Variants in RANBP9 observed in about 807,000 individuals in gnomAD.
The protein encoded by RANBP9 is ran-binding protein 9.
In RANBP9, 15 loss-of-function variants were observed where a neutral mutation model predicts 84.3. The ratio of observed to expected loss-of-function variants is 0.18; its 90% CI spans 0.12 to 0.27. The LOEUF (loss-of-function observed/expected upper bound fraction) is 0.27. Among genes scored for constraint, RANBP9 ranks in the 10% least tolerant of loss-of-function variants. RANBP9 has a pLI of 1.00. For missense variants in RANBP9, 809 were observed against 912.8 expected, an observed-to-expected ratio of 0.89 and a Z score of 1.46; for synonymous variants, 392 against 349.6, an observed-to-expected ratio of 1.12 and a Z score of -1.35.
At chr6:13,684,902 C>T (rs774886939) in intron 2 of RANBP9, among the ~76,000 whole-genome samples, 2 of 152,162 alleles carry the variant, frequency 1.3e-5, no homozygotes, top group Admixed American at 6.5e-5. Flanking sequence ...AAATAAATTC[C>T]GCACAGCATC....
chr6:13,693,047 A>G (rs1766364128), intron 2 of RANBP9, among the ~76,000 whole-genome samples: 2 of 152,226 alleles, frequency 1.3e-5, no homozygotes, highest in Admixed American at 1.3e-4. Flanking sequence ...AACAATACAA[A>G]TATCATAATT....
At chr6:13,706,626 G>A (rs1274385593) in intron 1 of RANBP9, among the ~76,000 whole-genome samples, 3 of 150,740 alleles carry the variant, frequency 2.0e-5, no homozygotes, top group African/African-American at 7.3e-5. Context: ...CCGGGAGGCG[G>A]AGGTTGCAGT....
chr6:13,709,664 T>C (rs1046414245), intron 1 of RANBP9, among the ~76,000 whole-genome samples: 1 of 152,240 alleles, frequency 6.6e-6, no homozygotes, highest in African/African-American at 2.4e-5. Context: ...TCTTTGGATG[T>C]ATGGCGAGAA....
intron 2 of RANBP9, among the ~76,000 whole-genome samples, chr6:13,690,810 C>CG (rs1766305222): frequency 6.6e-6 from 1 of 152,090 alleles, no homozygotes. Context: ...TTCATCTCAA[C>CG]GGTCAATGAT....
At position 13,622,279 on chromosome 6, in the gene RANBP9, T is replaced by C; in HGVS notation, c.*83A>G. On this transcript the variant is annotated 3_prime_UTR_variant, in exon 14 of 14. Transcript: ENST00000011619. ...TGTCCCCAGTACATAATTTAAAAAA[T>C]CTAAATTTCAAATCAGCAGAGCTGG... The C allele has an allele frequency of 7.6e-7, 1 of 1,317,792 alleles. No individual in the cohort carries two copies. The highest frequency in any genetic ancestry group is 9.8e-7 in the Non-Finnish European group (1 of 1,015,284). 81.6% of individuals were successfully genotyped at this position (1,317,792 alleles called of 1,614,324 possible).
chr6:13,632,728 G>A lies in RANBP9; in HGVS notation c.1796-207C>T, dbSNP rs547257086. 2.1e-4 allele frequency: 104 copies of A among 489,030 alleles called. No homozygotes were observed. In the Middle Eastern group the frequency reaches 3.4e-3, roughly 16 times the overall value. 30.3% of individuals were successfully genotyped at this position (489,030 alleles called of 1,614,324 possible). On this transcript the variant is annotated intron_variant, in intron 11 of 13. Transcript: ENST00000011619. ...TTAGCTCTCAAGAGTCTAGGATCCAGTATTCAGCATGCAGTTGAGAGGGGA... is the reference window on the plus strand; with the variant it reads ...TTAGCTCTCAAGAGTCTAGGATCCAATATTCAGCATGCAGTTGAGAGGGGA...
At chr6:13,688,987 A>AC in intron 2 of RANBP9, among the ~76,000 whole-genome samples, 1 of 140,952 alleles carries the variant, frequency 7.1e-6, no homozygotes, top group Non-Finnish European at 1.5e-5. Flanking sequence ...CTCCACAAAA[A>AC]AAAAAAAAAA....
intron 12 of RANBP9, among the ~76,000 whole-genome samples, chr6:13,628,951 C>G (rs1166510784): frequency 6.7e-6 from 1 of 149,952 alleles, no homozygotes; most frequent in East Asian, 2.0e-4. Context: ...TATTCTTTGA[C>G]TCAATTCTAC....
intron 2 of RANBP9, among the ~76,000 whole-genome samples, chr6:13,692,007 A>G (rs1342758615): frequency 6.6e-6 from 1 of 152,202 alleles, no homozygotes; most frequent in Non-Finnish European, 1.5e-5. Flanking sequence ...ATGGGCACAC[A>G]TCACTGCAAA....
chr6:13,629,888 T>A (rs563967153), intron 12 of RANBP9, among the ~76,000 whole-genome samples: 9 of 140,494 alleles, frequency 6.4e-5, no homozygotes, highest in Non-Finnish European at 1.1e-4. Flanking sequence ...CTCTCTCTCA[T>A]GTCTCTGTCT....
intron 8 of RANBP9, 44 bp downstream of exon 8, chr6:13,641,154 AT>A: frequency 8.5e-7 from 1 of 1,173,070 alleles, no homozygotes; most frequent in Non-Finnish European, 1.2e-6. Flanking sequence ...CTTGACAAAT[AT>A]TTATAATATA....
At chr6:13,704,878 T>C (rs1466139772) in intron 1 of RANBP9, among the ~76,000 whole-genome samples, 1 of 152,168 alleles carries the variant, frequency 6.6e-6, no homozygotes, top group African/African-American at 2.4e-5. Flanking sequence ...TCCTTCATTC[T>C]TTCCAATGTC....
At position 13,663,701 on chromosome 6, in the gene RANBP9, A is replaced by T. The variant is rs868306013; in HGVS notation, c.684-4869T>A. On this transcript the variant is annotated intron_variant, in intron 2 of 13. Transcript: ENST00000011619. ...GAAATTCTAATAATGTATCAAAACG[A>T]TAACATATGATTACTAGATAGTGTT... is the stretch of plus-strand genomic sequence containing the variant. Among the ~76,000 whole-genome samples, 4 of 152,174 alleles carry T rather than the reference A, an allele frequency of 2.6e-5. No individual in the cohort carries two copies. The East Asian group carries it at 7.7e-4, about 29-fold the overall frequency.
chr6:13,677,200 C>T (rs1387263091), intron 2 of RANBP9, among the ~76,000 whole-genome samples: 1 of 152,116 alleles, frequency 6.6e-6, no homozygotes, highest in East Asian at 1.9e-4. Flanking sequence ...AAGTCAATTT[C>T]CTACGCACCA....
intron 2 of RANBP9, among the ~76,000 whole-genome samples, chr6:13,684,409 G>T (rs1554226324): frequency 6.6e-6 from 1 of 152,072 alleles, no homozygotes; most frequent in Non-Finnish European, 1.5e-5. Context: ...TCCCTACCCA[G>T]CCTGAACTAA....
rs73723748 is a variant in RANBP9 at position 13,645,403 on chromosome 6, C to G, written c.928-674G>C. Among the ~76,000 whole-genome samples the G allele has an allele frequency of 7.4e-3, 1,123 of 152,126 alleles. 14 individuals carry two copies. The highest frequency in any genetic ancestry group is 0.026 in the African/African-American group (1,082 of 41,486). On this transcript the variant is annotated intron_variant, in intron 5 of 13. Coordinates refer to ENST00000011619, the MANE Select transcript of RANBP9 (RefSeq NM_005493.3). Reference sequence around the variant, plus strand: ...AAACTCAGAAATGCATTCAGGTACACTCCATGGTTTCAAGGTTAATCAAGA... The same window carrying G: ...AAACTCAGAAATGCATTCAGGTACAGTCCATGGTTTCAAGGTTAATCAAGA...
At chr6:13,692,258 A>G (rs1347325828) in intron 2 of RANBP9, among the ~76,000 whole-genome samples, 1 of 152,140 alleles carries the variant, frequency 6.6e-6, no homozygotes, top group Non-Finnish European at 1.5e-5. Context: ...TAGTTTGGCC[A>G]GGCGCGGTGG....
intron 2 of RANBP9, among the ~76,000 whole-genome samples, chr6:13,688,320 G>GC (rs1766239526): frequency 6.6e-6 from 1 of 152,144 alleles, no homozygotes; most frequent in South Asian, 2.1e-4. Flanking sequence ...GGATACCTGA[G>GC]CAACTGAAGG....
At position 13,661,842 on chromosome 6, in the gene RANBP9, A is replaced by G. The variant is rs1330968546; in HGVS notation, c.684-3010T>C. Reference sequence around the variant, plus strand: ...AAGCTACCAGAAAGAAAAGCAGATTACCTAGCAAGAAATGGCAATTAGACT... The same window carrying G: ...AAGCTACCAGAAAGAAAAGCAGATTGCCTAGCAAGAAATGGCAATTAGACT... On this transcript the variant is annotated intron_variant, in intron 2 of 13. Transcript: ENST00000011619. 2.0e-5 allele frequency among the ~76,000 whole-genome samples: 3 copies of G among 152,334 alleles called. No individual in the cohort carries two copies. In the East Asian group the frequency reaches 5.8e-4, roughly 29 times the overall value.
Sources: gnomAD v4.1 joint callset for allele counts (sites outside exome capture counted in the v4.1 genomes callset) on GRCh38, gnomAD v4.1.1 for gene constraint, MANE v1.5 for transcripts, NCBI Gene and HGNC (gene_info 2026-07-23, HGNC 2026-07-21) for gene names.